Variants in BICC1 observed in about 807,000 individuals in gnomAD.
The protein encoded by BICC1 is protein bicaudal C homolog 1.
Under a neutral mutation model 111.0 loss-of-function variants are expected in BICC1, and 43 were observed. The ratio of observed to expected loss-of-function variants is 0.39; its 90% confidence interval spans 0.30 to 0.50. The LOEUF (loss-of-function observed/expected upper bound fraction) is 0.50, where lower values mean the gene tolerates loss of function less well. BICC1 is among the 20% of genes least tolerant of loss of function. The pLI, the probability that BICC1 is intolerant of heterozygous loss-of-function variation, is 0.88. For missense variants in BICC1, 1,091 were observed against 1,203.2 expected (o/e 0.91, Z 1.38); for synonymous variants, 467 against 434.4 (o/e 1.07, Z -0.93).
At chr10:58,673,413 TTGGACTCA>T (rs1839240836) in intron 2 of BICC1, among the ~76,000 whole-genome samples, 1 of 152,146 alleles carries the variant, frequency 6.6e-6, no homozygotes, top group South Asian at 2.1e-4. Flanking sequence ...TTAGGCTTAA[TTGGACTCA>T]GTTTTCTAGC....
chr10:58,733,020 G>A (rs1239027074), intron 3 of BICC1, among the ~76,000 whole-genome samples: 1 of 3,024 alleles, frequency 3.3e-4, no homozygotes, highest in Non-Finnish European at 8.9e-4. Context: ...CCTTAAATTT[G>A]TTTAAAAAAA....
At position 58,773,525 on chromosome 10, in the gene BICC1, C is replaced by T. The variant is rs149505537; in HGVS notation, c.308-11476C>T. On this transcript the variant is annotated intron_variant, in intron 3 of 20. Coordinates refer to ENST00000373886, the MANE Select transcript of BICC1 (RefSeq NM_001080512.3). The stretch of plus-strand genomic sequence containing the variant: ...GGAAGCCATTATCATCACCTGAGGG[C>T]TGATGGGGCAAGGGGAGGACAAGGT... 2.0e-4 allele frequency among the ~76,000 whole-genome samples: 30 copies of T among 152,320 alleles called. 1 individual carries two copies. The East Asian group carries it at 5.0e-3, about 26-fold the overall frequency.
intron 13 of BICC1, 28 bp downstream of exon 13, chr10:58,800,354 A>G (rs1843504298): frequency 1.9e-6 from 3 of 1,603,188 alleles, no homozygotes; most frequent in African/African-American, 1.3e-5. Flanking sequence ...TCTGAAATTC[A>G]TTTTGGTTGT....
At chr10:58,695,982 T>A (rs1376597207) in intron 2 of BICC1, among the ~76,000 whole-genome samples, 1 of 152,234 alleles carries the variant, frequency 6.6e-6, no homozygotes, top group African/African-American at 2.4e-5. Flanking sequence ...CTTAAATGAT[T>A]CAGTGTAAAT....
At chr10:58,634,571 T>A (rs1837898291) in intron 2 of BICC1, among the ~76,000 whole-genome samples, 1 of 152,182 alleles carries the variant, frequency 6.6e-6, no homozygotes. Context: ...ACTACTGATG[T>A]GCAGTATGGG....
chr10:58,682,332 G>A (rs1051779887), intron 2 of BICC1, among the ~76,000 whole-genome samples: 1 of 152,084 alleles, frequency 6.6e-6, no homozygotes, highest in Admixed American at 6.6e-5. Context: ...AGACATACAT[G>A]TGCATTTATC....
At chr10:58,776,969 G>A (rs1175337913) in intron 3 of BICC1, among the ~76,000 whole-genome samples, 1 of 151,882 alleles carries the variant, frequency 6.6e-6, no homozygotes, top group Non-Finnish European at 1.5e-5. Flanking sequence ...ATTTTTCCCT[G>A]CCCTCCTCCT....
intron 3 of BICC1, among the ~76,000 whole-genome samples, chr10:58,777,788 T>C (rs1323141524): frequency 6.6e-6 from 1 of 152,220 alleles, no homozygotes; most frequent in Admixed American, 6.5e-5. Context: ...GTGTATAGGT[T>C]GATATGGATA....
At chr10:58,541,079 A>G (rs996197458) in intron 1 of BICC1, among the ~76,000 whole-genome samples, 7 of 152,084 alleles carry the variant, frequency 4.6e-5, no homozygotes, top group Non-Finnish European at 1.0e-4. Context: ...CCATGTGTGA[A>G]AAGCCCACAA....
In BICC1 at chr10:58,677,449, A is replaced by G. The variant is rs149009439; in HGVS notation, c.238-24625A>G. On this transcript the variant is annotated intron_variant, in intron 2 of 20. Coordinates refer to ENST00000373886, the MANE Select transcript of BICC1 (RefSeq NM_001080512.3). ...AAATTGATCAGTTGGAAGAAAGGAT[A>G]TCGGAGATGGAAGATCAGCTTAATA... Among the ~76,000 whole-genome samples, 788 of 152,356 alleles carry G rather than the reference A, an allele frequency of 5.2e-3. 5 individuals are homozygous for G. Among genetic ancestry groups the G allele is most frequent in the Middle Eastern group, 0.014 (4 of 294 alleles).
At chr10:58,605,337 G>T (rs1321368273) in intron 1 of BICC1, among the ~76,000 whole-genome samples, 1 of 152,128 alleles carries the variant, frequency 6.6e-6, no homozygotes, top group Admixed American at 6.5e-5. Context: ...GCTGTTTCTT[G>T]CTGATTCTTC....
At chr10:58,525,536 G>A (rs1331780068) in intron 1 of BICC1, among the ~76,000 whole-genome samples, 1 of 132,348 alleles carries the variant, frequency 7.6e-6, no homozygotes, top group African/African-American at 2.8e-5. Context: ...CACAGGAAGG[G>A]GAATATCACA....
At chr10:58,622,886 C>G (rs999507288) in intron 2 of BICC1, among the ~76,000 whole-genome samples, 1 of 152,244 alleles carries the variant, frequency 6.6e-6, no homozygotes, top group Non-Finnish European at 1.5e-5. Context: ...TAGCTGTTCA[C>G]TAGCATCTTC....
At chr10:58,786,330 GC>G (rs1309927883) in intron 4 of BICC1, among the ~76,000 whole-genome samples, 1 of 151,964 alleles carries the variant, frequency 6.6e-6, no homozygotes, top group African/African-American at 2.4e-5. Flanking sequence ...CTTTATTTAA[GC>G]CATTTTGTGA....
intron 13 of BICC1, 55 bp downstream of exon 13, chr10:58,800,381 G>A (rs1666286107): frequency 1.3e-6 from 2 of 1,572,658 alleles, no homozygotes; most frequent in African/African-American, 1.4e-5. Context: ...GAAAAAGGAG[G>A]TTGTAGAGAG....
intron 1 of BICC1, among the ~76,000 whole-genome samples, chr10:58,595,844 G>T (rs954650348): frequency 6.6e-6 from 1 of 152,068 alleles, no homozygotes; most frequent in African/African-American, 2.4e-5. Flanking sequence ...TTTAGCAGAA[G>T]ACAAGAAATA....
chr10:58,600,480 A>G (rs1844990771), intron 1 of BICC1, among the ~76,000 whole-genome samples: 1 of 152,214 alleles, frequency 6.6e-6, no homozygotes, highest in African/African-American at 2.4e-5. Context: ...AACTTGGTCA[A>G]GATGTGCTGT....
At chr10:58,521,620 G>GTC (rs1564469580) in intron 1 of BICC1, among the ~76,000 whole-genome samples, 1 of 151,410 alleles carries the variant, frequency 6.6e-6, no homozygotes, top group African/African-American at 2.4e-5. Flanking sequence ...TTATTAGAAA[G>GTC]CAATTGAATT....
rs551995099 is a variant in BICC1, at chr10:58,550,794, A to G, written c.190+37461A>G. ...GGTCTGTGTCTTGTTCCATTGACCA[A>G]TGCATCTATTCTTTCTGCCAATTCT... On this transcript the variant is annotated intron_variant, in intron 1 of 20. Coordinates refer to ENST00000373886, the MANE Select transcript of BICC1 (RefSeq NM_001080512.3). Among the ~76,000 whole-genome samples, 9 of 152,256 alleles carry G rather than the reference A, an allele frequency of 5.9e-5. No individual in the cohort carries two copies. In the East Asian group the frequency reaches 1.4e-3, roughly 23 times the overall value.
Sources: gnomAD v4.1 joint callset for allele counts (sites outside exome capture counted in the v4.1 genomes callset) on GRCh38, gnomAD v4.1.1 for gene constraint, MANE v1.5 for transcripts, NCBI Gene and HGNC (gene_info 2026-07-23, HGNC 2026-07-21) for gene names.